Variants in NUB1 observed in about 807,000 individuals in gnomAD.
NUB1 encodes the protein NEDD8 ultimate buster 1.
Under a neutral mutation model 77.1 loss-of-function variants are expected in NUB1, and 41 were observed. That is an observed-to-expected ratio of 0.53 (90% confidence interval 0.41 to 0.69). The LOEUF (loss-of-function observed/expected upper bound fraction) is 0.69, where lower values mean the gene tolerates loss of function less well. Ranked by LOEUF, NUB1 falls within the 30% of genes least tolerant of loss-of-function variation. NUB1 has a pLI of 0.00. For synonymous variants in NUB1, 257 were observed against 281.0 expected, an observed-to-expected ratio of 0.91 and a Z score of 0.85; for missense variants, 643 against 743.8, an observed-to-expected ratio of 0.86 and a Z score of 1.58.
intron 10 of NUB1, among the ~76,000 whole-genome samples, chr7:151,368,483 G>A (rs919088250): frequency 1.3e-5 from 2 of 152,210 alleles, no homozygotes; most frequent in Admixed American, 6.5e-5. Flanking sequence ...AAAACAAAGT[G>A]GTTACCAGTC....
At position 151,368,739 on chromosome 7, in the gene NUB1, G is replaced by A. The variant is rs200711078; in HGVS notation, c.1100G>A (p.Arg367His). The change falls in exon 11 of 15, where the codon CGT becomes CAT. Residue 367 changes from arginine to histidine, a missense_variant. Physicochemically the swap from Arg to His is conservative, Grantham distance 29. Coordinates refer to ENST00000568733, the MANE Select transcript of NUB1 (RefSeq NM_001243351.2). ...CTTACATTTCCCTGTCTCTAGGCAC[G>A]TCAGCTCTTTAAAGAGCTATATATT... Reference protein sequence around the residue: ...VEAYEYLNKARQLFKELYIDP... With the variant: ...VEAYEYLNKAHQLFKELYIDP... 26 of 1,604,530 alleles carry A rather than the reference G, an allele frequency of 1.6e-5. No individual in the cohort carries two copies. Among genetic ancestry groups the A allele is most frequent in the South Asian group, 3.4e-5 (3 of 89,400 alleles).
intron 10 of NUB1, 74 bp from the exon 11 acceptor site, chr7:151,368,661 T>G: frequency 1.4e-6 from 2 of 1,466,616 alleles, no homozygotes; most frequent in Non-Finnish European, 1.8e-6. Context: ...ATCTAATTTC[T>G]TTTAGGCTTT....
intron 3 of NUB1, among the ~76,000 whole-genome samples, chr7:151,350,336 G>A (rs188763535): frequency 4.6e-5 from 7 of 152,340 alleles, no homozygotes; most frequent in African/African-American, 1.7e-4. Flanking sequence ...AACTACCCCA[G>A]GGAGAGGCTC....
intron 11 of NUB1, among the ~76,000 whole-genome samples, chr7:151,370,336 G>T (rs542381890): frequency 6.6e-6 from 1 of 151,932 alleles, no homozygotes; most frequent in African/African-American, 2.4e-5. Context: ...TGATCCTCCC[G>T]CCTTGGCCTC....
chr7:151,376,093 C>T (rs1798218307), intron 13 of NUB1, 150 bp downstream of exon 13: 2 of 636,204 alleles, frequency 3.1e-6, no homozygotes, highest in East Asian at 2.7e-5. Flanking sequence ...CCTCAGAGGC[C>T]ACCCACGCAG....
intron 12 of NUB1, 56 bp downstream of exon 12, chr7:151,374,299 A>G (rs893615995): frequency 3.9e-6 from 6 of 1,535,046 alleles, no homozygotes; most frequent in Non-Finnish European, 5.3e-6. Flanking sequence ...TCCTGCCCAG[A>G]GCTCCCTCCA....
chr7:151,342,969 C>T (rs1007749437), intron 1 of NUB1, among the ~76,000 whole-genome samples: 5 of 152,250 alleles, frequency 3.3e-5, no homozygotes, highest in South Asian at 4.1e-4. Flanking sequence ...CCACCGCGCC[C>T]GGCCTTGGAT....
chr7:151,351,342 G>C (rs1005342806), intron 3 of NUB1, 82 bp from the exon 4 acceptor site: 1 of 1,036,414 alleles, frequency 9.6e-7, no homozygotes, highest in African/African-American at 1.6e-5. Context: ...ATCCTCTGCC[G>C]TCAGCTTTTC....
At position 151,376,640 on chromosome 7, in the gene NUB1, T is replaced by C. The variant is rs1798284626; in HGVS notation, c.1498T>C (p.Tyr500His). Reference protein sequence around the residue: ...PSQENIDRLVYMGFDALVAEA... With the variant: ...PSQENIDRLVHMGFDALVAEA... Reference sequence around the variant, plus strand: ...CCCCTGCGCTCTCCCCTAGTTGGTGTACATGGGTTTTGATGCACTCGTGGC... The same window carrying C: ...CCCCTGCGCTCTCCCCTAGTTGGTGCACATGGGTTTTGATGCACTCGTGGC... The change falls in exon 14 of 15, where the codon TAC becomes CAC. Residue 500 changes from tyrosine to histidine, a missense_variant. Coordinates refer to ENST00000568733, the MANE Select transcript of NUB1 (RefSeq NM_001243351.2). 3.1e-6 allele frequency: 5 copies of C among 1,610,246 alleles called. No homozygotes were observed. The South Asian group carries it at 4.4e-5, about 14-fold the overall frequency.
chr7:151,351,293 C>A, intron 3 of NUB1, 131 bp from the exon 4 acceptor site: 1 of 721,924 alleles, frequency 1.4e-6, no homozygotes, highest in Non-Finnish European at 2.5e-6. Context: ...GACTTCTAGG[C>A]AGGCAGCATT....
intron 12 of NUB1, chr7:151,374,636 T>G (rs1798124800): frequency 3.9e-6 from 1 of 253,966 alleles, no homozygotes. Flanking sequence ...TATCTAGTTT[T>G]ATTTATTTAG....
chr7:151,349,429 T>C (rs1563011394), intron 3 of NUB1, among the ~76,000 whole-genome samples, 189 bp downstream of exon 3: 1 of 152,246 alleles, frequency 6.6e-6, no homozygotes, highest in Admixed American at 6.5e-5. Flanking sequence ...CAAGGTAGGC[T>C]TTTAGAGACC....
chr7:151,356,636 A>G (rs1304898864), intron 7 of NUB1, among the ~76,000 whole-genome samples: 2 of 152,190 alleles, frequency 1.3e-5, no homozygotes, highest in Non-Finnish European at 2.9e-5. Context: ...TCTCTTCCCT[A>G]TTTCCTCATA....
At chr7:151,365,318 C>CTT (rs11354135) in intron 8 of NUB1, among the ~76,000 whole-genome samples, 2 of 141,702 alleles carry the variant, frequency 1.4e-5, no homozygotes, top group Admixed American at 7.1e-5. Flanking sequence ...TCTTCTCTCT[C>CTT]TTTTTTTTTT....
intron 2 of NUB1, among the ~76,000 whole-genome samples, chr7:151,346,067 A>C (rs1402030963): frequency 6.6e-6 from 1 of 152,224 alleles, no homozygotes; most frequent in African/African-American, 2.4e-5. Flanking sequence ...ATTTCCTAGC[A>C]TGTACTTCTC....
At chr7:151,368,713 T>A in intron 10 of NUB1, 22 bp from the exon 11 acceptor site, 1 of 1,585,782 alleles carries the variant, frequency 6.3e-7, no homozygotes, top group Non-Finnish European at 8.6e-7. Flanking sequence ...GTTACATGAT[T>A]CTTACATTTC....
chr7:151,351,349 T>C, intron 3 of NUB1, 75 bp from the exon 4 acceptor site: 1 of 1,118,618 alleles, frequency 8.9e-7, no homozygotes, highest in Non-Finnish European at 1.3e-6. Context: ...GCCGTCAGCT[T>C]TTCTGATTTC....
intron 12 of NUB1, 72 bp from the exon 13 acceptor site, chr7:151,375,776 C>A: frequency 9.9e-7 from 1 of 1,005,216 alleles, no homozygotes; most frequent in Non-Finnish European, 1.6e-6. Context: ...TAGCACATGG[C>A]AGGGTGCAGC....
At chr7:151,360,863 C>T (rs1399931825) in intron 8 of NUB1, 2 of 151,922 alleles carry the variant, frequency 1.3e-5, no homozygotes, top group African/African-American at 4.8e-5. Flanking sequence ...TCTCAAACTC[C>T]TGGGCTCAAG....
Sources: gnomAD v4.1 joint callset for allele counts (sites outside exome capture counted in the v4.1 genomes callset) on GRCh38, gnomAD v4.1.1 for gene constraint, MANE v1.5 for transcripts, NCBI Gene and HGNC (gene_info 2026-07-23, HGNC 2026-07-21) for gene names.